The following TPD52 variants were observed in gnomAD, a reference collection of about 807,000 sequenced individuals.
TPD52 encodes the protein tumor protein D52, also known as prostate and colon associated protein.
In TPD52, 17 loss-of-function variants were observed where a neutral mutation model predicts 31.3. That is an observed-to-expected ratio of 0.54 (90% CI 0.37 to 0.82). The LOEUF (loss-of-function observed/expected upper bound fraction) is 0.82. Among genes scored for constraint, TPD52 ranks in the 40% least tolerant of loss-of-function variants. The probability of loss-of-function intolerance (pLI) is 0.00; values close to 1 mark genes in which losing one functional copy is unlikely to be tolerated. For synonymous variants in TPD52, 83 were observed against 89.6 expected, an observed-to-expected ratio of 0.93 and a Z score of 0.42; for missense variants, 212 against 240.1, an observed-to-expected ratio of 0.88 and a Z score of 0.77.
intron 1 of TPD52, among the ~76,000 whole-genome samples, chr8:80,142,447 G>A (rs1809898969): frequency 6.6e-6 from 1 of 152,174 alleles, no homozygotes. Context: ...CAGCAAAAAG[G>A]GGAAGACAAA....
At chr8:80,150,451 A>G (rs1302056047) in intron 1 of TPD52, among the ~76,000 whole-genome samples, 2 of 152,178 alleles carry the variant, frequency 1.3e-5, no homozygotes, top group South Asian at 2.1e-4. Flanking sequence ...GAGGGCCATC[A>G]TCCTCCAGAT....
chr8:80,126,306 AG>A (rs1808590190), intron 1 of TPD52, among the ~76,000 whole-genome samples: 2 of 151,654 alleles, frequency 1.3e-5, no homozygotes, highest in Non-Finnish European at 1.5e-5. Flanking sequence ...TTTCTTTCAC[AG>A]GGAAAAATAT....
rs5892705 is a variant in TPD52, at chr8:80,081,156, CTT to C, written c.20-16565_20-16564del. ...TCAGACTGACTTTTCTTTTCTCTCT[CTT>C]TTTTTTTTTTTTTTTTTTTTTAGAA... On this transcript the variant is annotated intron_variant, in intron 1 of 7. Transcript: ENST00000518937. Among the ~76,000 whole-genome samples, 817 of 109,344 alleles carry C rather than the reference CTT, an allele frequency of 7.5e-3. 8 individuals are homozygous for C. The highest frequency in any genetic ancestry group is 0.056 in the East Asian group (192 of 3,420). 71.7% of individuals were successfully genotyped at this position (109,344 alleles called of 152,430 possible). A position where few individuals can be genotyped will look rare whatever the true frequency, so the allele number is the denominator to read the frequency against.
At chr8:80,063,080 AG>A (rs1812718153) in intron 2 of TPD52, among the ~76,000 whole-genome samples, 1 of 152,244 alleles carries the variant, frequency 6.6e-6, no homozygotes, top group Non-Finnish European at 1.5e-5. Context: ...TAGGTACTCA[AG>A]CAAGTATTTG....
intron 1 of TPD52, among the ~76,000 whole-genome samples, chr8:80,101,037 T>C (rs1563626129): frequency 6.6e-6 from 1 of 152,188 alleles, no homozygotes; most frequent in East Asian, 1.9e-4. Context: ...ATACCAAGTG[T>C]TACAGTGAGA....
At chr8:80,065,438 G>A (rs534493726) in intron 1 of TPD52, among the ~76,000 whole-genome samples, 9 of 151,932 alleles carry the variant, frequency 5.9e-5, no homozygotes, top group South Asian at 2.1e-4. Context: ...CCCTTGGAAC[G>A]GAGCCTGTCA....
chr8:80,163,323 C>T (rs147878760), intron 1 of TPD52, among the ~76,000 whole-genome samples: 20 of 152,280 alleles, frequency 1.3e-4, no homozygotes, highest in East Asian at 5.8e-4. Flanking sequence ...GTGCTACACA[C>T]GCATGAGCCC....
At chr8:80,105,439 A>G (rs1213048000) in intron 1 of TPD52, among the ~76,000 whole-genome samples, 1 of 152,084 alleles carries the variant, frequency 6.6e-6, no homozygotes, top group African/African-American at 2.4e-5. Context: ...TTACCGGTAC[A>G]TGCAGCCCCC....
intron 5 of TPD52, among the ~76,000 whole-genome samples, chr8:80,044,585 G>A (rs1810667609): frequency 7.3e-6 from 1 of 136,988 alleles, no homozygotes; most frequent in Non-Finnish European, 1.5e-5. Flanking sequence ...AATGAAGCAT[G>A]CACACACACA....
chr8:80,167,914 T>C (rs1811821671), intron 1 of TPD52, among the ~76,000 whole-genome samples: 1 of 152,216 alleles, frequency 6.6e-6, no homozygotes, highest in African/African-American at 2.4e-5. Context: ...ATGACTAACA[T>C]GAGAGCACTC....
At chr8:80,044,906 A>T (rs1386236530) in intron 5 of TPD52, among the ~76,000 whole-genome samples, 1 of 152,196 alleles carries the variant, frequency 6.6e-6, no homozygotes, top group East Asian at 1.9e-4. Flanking sequence ...ATATTTAAAT[A>T]TTTTGTGCGC....
intron 1 of TPD52, among the ~76,000 whole-genome samples, chr8:80,083,278 A>C (rs1815470296): frequency 6.6e-6 from 1 of 152,204 alleles, no homozygotes; most frequent in South Asian, 2.1e-4. Context: ...GATGCACTGC[A>C]GGCATAAAGA....
intron 7 of TPD52, among the ~76,000 whole-genome samples, chr8:80,039,158 T>C (rs184522198): frequency 6.6e-6 from 1 of 152,348 alleles, no homozygotes; most frequent in East Asian, 1.9e-4. Context: ...TCATTCTTTT[T>C]GATCTACCAT....
intron 1 of TPD52, among the ~76,000 whole-genome samples, chr8:80,113,221 G>A: frequency 6.7e-6 from 1 of 148,240 alleles, no homozygotes. Flanking sequence ...TCACATCTAT[G>A]AAATGAAATA....
intron 1 of TPD52, among the ~76,000 whole-genome samples, chr8:80,122,676 C>G (rs1006033788): frequency 6.6e-6 from 1 of 152,244 alleles, no homozygotes; most frequent in African/African-American, 2.4e-5. Flanking sequence ...GATCAGTCCA[C>G]TCTCCTCTCT....
chr8:80,068,667 T>C (rs1156623683), intron 1 of TPD52, among the ~76,000 whole-genome samples: 2 of 152,196 alleles, frequency 1.3e-5, no homozygotes, highest in Non-Finnish European at 2.9e-5. Flanking sequence ...GGAAAAGTCC[T>C]TCCAGCAAGC....
chr8:80,079,722 A>G (rs1563607930), intron 1 of TPD52, among the ~76,000 whole-genome samples: 1 of 152,174 alleles, frequency 6.6e-6, no homozygotes, highest in Non-Finnish European at 1.5e-5. Context: ...CAATAAAGGA[A>G]GGGCCTCCCT....
At chr8:80,154,617 GA>G (rs1291886188) in intron 1 of TPD52, among the ~76,000 whole-genome samples, 1 of 151,884 alleles carries the variant, frequency 6.6e-6, no homozygotes, top group Non-Finnish European at 1.5e-5. Context: ...TTCATACAGA[GA>G]AACTCAAATA....
chr8:80,098,321 T>C (rs1433068512), intron 1 of TPD52, among the ~76,000 whole-genome samples: 1 of 152,166 alleles, frequency 6.6e-6, no homozygotes, highest in African/African-American at 2.4e-5. Context: ...CTGCCAGAGA[T>C]TGCTCGGGTG....
Sources: gnomAD v4.1 joint callset for allele counts (sites outside exome capture counted in the v4.1 genomes callset) on GRCh38, gnomAD v4.1.1 for gene constraint, MANE v1.5 for transcripts, NCBI Gene and HGNC (gene_info 2026-07-23, HGNC 2026-07-21) for gene names.